The following SGCD variants were observed in gnomAD, a reference collection of about 807,000 sequenced individuals.
SGCD encodes the protein delta-sarcoglycan.
SGCD carries 18 observed loss-of-function variants against 36.6 expected under a neutral mutation model. The observed-to-expected ratio is 0.49, with a 90% CI of 0.34 to 0.73. The LOEUF (loss-of-function observed/expected upper bound fraction) is 0.73, where lower values mean the gene tolerates loss of function less well. Among genes scored for constraint, SGCD ranks in the 30% least tolerant of loss-of-function variants. The probability of loss-of-function intolerance (pLI) is 0.01; values close to 1 mark genes in which losing one functional copy is unlikely to be tolerated. For missense variants in SGCD, 387 were observed against 346.7 expected, an observed-to-expected ratio of 1.12 and a Z score of -0.92; for synonymous variants, 133 against 130.6, an observed-to-expected ratio of 1.02 and a Z score of -0.12.
At chr5:156,191,171 C>T (rs1763883545) in intron 3 of SGCD, among the ~76,000 whole-genome samples, 1 of 151,962 alleles carries the variant, frequency 6.6e-6, no homozygotes, top group Non-Finnish European at 1.5e-5. Flanking sequence ...CAGCATTACC[C>T]GGTTCCTAGT....
chr5:156,475,372 A>G lies in SGCD; in HGVS notation c.193-33229A>G, dbSNP rs546409873. 3.3e-5 allele frequency among the ~76,000 whole-genome samples: 5 copies of G among 152,268 alleles called. No homozygotes were observed. In the East Asian group the frequency reaches 9.7e-4, roughly 29 times the overall value. ...CTCTGTCATAGTGACAGTTCAGACT[A>G]TGGGTCCTTCCAAGCTGCTGGTGTT... On this transcript the variant is annotated intron_variant, in intron 3 of 8. Transcript: ENST00000337851.
the SGCD span, among the ~76,000 whole-genome samples, chr5:155,852,858 G>A: frequency 1.1e-4 from 16 of 152,098 alleles, no homozygotes; most frequent in Non-Finnish European, 2.2e-4. Context: ...TTAAGGCAGA[G>A]TTGTTCAAGT....
At chr5:156,121,416 G>A (rs1171156353) in intron 2 of SGCD, among the ~76,000 whole-genome samples, 1 of 152,024 alleles carries the variant, frequency 6.6e-6, no homozygotes, top group African/African-American at 2.4e-5. Context: ...ATCTTGGCCA[G>A]GGTTCCACAG....
chr5:155,864,302 G>C, the SGCD span, among the ~76,000 whole-genome samples: 4 of 152,126 alleles, frequency 2.6e-5, no homozygotes, highest in African/African-American at 9.7e-5. Flanking sequence ...AAGGATATTG[G>C]CTGTACTCAG....
Position 156,759,231 on chromosome 5 carries a change from T to C in SGCD, c.714T>C (p.Ala238=), listed in dbSNP as rs1554137275. The C allele has an allele frequency of 6.2e-7, 1 of 1,613,738 alleles. No individual in the cohort carries two copies. The highest frequency in any genetic ancestry group is 1.3e-5 in the African/African-American group (1 of 75,042). Residue 238 remains alanine (A), a synonymous_variant, in exon 9 of 9, where the codon GCT becomes GCC. Transcript: ENST00000337851. ...TCTGTCTTTAGATTAAGTTAGATGC[T>C]GCGAAAATCAGGCTACCTAGACTGC... ...ESKDGEIKLD[A]AKIRLPRLPH... is the part of the protein sequence containing the mutation.
intron 6 of SGCD, among the ~76,000 whole-genome samples, chr5:156,606,280 C>T (rs1299519800): frequency 6.6e-6 from 1 of 152,176 alleles, no homozygotes; most frequent in Non-Finnish European, 1.5e-5. Flanking sequence ...CCAGTTTTCC[C>T]AGCACCATTT....
intron 7 of SGCD, among the ~76,000 whole-genome samples, chr5:156,710,717 G>A (rs1392466254): frequency 6.6e-6 from 1 of 152,194 alleles, no homozygotes; most frequent in Non-Finnish European, 1.5e-5. Context: ...TCTCGGTTTA[G>A]ATAAGGGATT....
At chr5:156,043,193 C>T (rs987357166) in intron 1 of SGCD, among the ~76,000 whole-genome samples, 1 of 152,084 alleles carries the variant, frequency 6.6e-6, no homozygotes, top group South Asian at 2.1e-4. Context: ...TCTGGAAGAA[C>T]AAGTATCAAT....
intron 7 of SGCD, among the ~76,000 whole-genome samples, chr5:156,695,095 T>C (rs1299910535): frequency 6.6e-6 from 1 of 150,830 alleles, no homozygotes; most frequent in Non-Finnish European, 1.5e-5. Flanking sequence ...ATGTTCTTAA[T>C]TTCAAAGGTA....
chr5:156,610,334 A>AG (rs895111367), intron 6 of SGCD, among the ~76,000 whole-genome samples: 27 of 152,316 alleles, frequency 1.8e-4, no homozygotes, highest in African/African-American at 5.8e-4. Context: ...CCTGGGTATC[A>AG]GCAGTGGAGG....
chr5:156,000,703 G>T (rs1013969206), intron 1 of SGCD, among the ~76,000 whole-genome samples: 5 of 151,976 alleles, frequency 3.3e-5, no homozygotes, highest in Non-Finnish European at 2.9e-5. Flanking sequence ...GAACCCTAGG[G>T]TTCTGCCTTT....
At chr5:156,182,450 G>T (rs916779936) in intron 3 of SGCD, among the ~76,000 whole-genome samples, 1 of 152,110 alleles carries the variant, frequency 6.6e-6, no homozygotes, top group Non-Finnish European at 1.5e-5. Flanking sequence ...AATTATCCAG[G>T]CATGATGGCA....
chr5:156,343,760 T>G (rs1034873037), intron 2 of SGCD, among the ~76,000 whole-genome samples: 14 of 152,232 alleles, frequency 9.2e-5, no homozygotes, highest in African/African-American at 3.4e-4. Flanking sequence ...GTTCATCCTC[T>G]CATTAGCCTA....
chr5:156,427,536 CTT>C (rs1773728967), intron 3 of SGCD, among the ~76,000 whole-genome samples: 1 of 151,970 alleles, frequency 6.6e-6, no homozygotes, highest in Admixed American at 6.6e-5. Flanking sequence ...CTTTCCTTCT[CTT>C]GTCTGATTGC....
At chr5:156,183,390 A>G (rs948115845) in intron 3 of SGCD, among the ~76,000 whole-genome samples, 1 of 152,182 alleles carries the variant, frequency 6.6e-6, no homozygotes, top group East Asian at 1.9e-4. Context: ...TCATAATAAT[A>G]CAATAATAAC....
rs10529406 is a variant in SGCD at position 156,406,018 on chromosome 5, T to TAAAAAAAAAAAAAAAAAAAAA, written c.192+61357_192+61358insAAAAAAAAAAAAAAAAAAAAA. On this transcript the variant is annotated intron_variant, in intron 3 of 8. Transcript: ENST00000337851. ...TGCTGTATTTGGCCCTATCTTTGCT[T>TAAAAAAAAAAAAAAAAAAAAA]AAAAAAAAAAAAAAAAGGCCTCTGG... Among the ~76,000 whole-genome samples the TAAAAAAAAAAAAAAAAAAAAA allele has an allele frequency of 1.7e-3, 174 of 103,910 alleles. 11 individuals are homozygous for TAAAAAAAAAAAAAAAAAAAAA. The highest frequency in any genetic ancestry group is 0.013 in the East Asian group (36 of 2,796). 68.2% of individuals were successfully genotyped at this position (103,910 alleles called of 152,430 possible).
chr5:156,712,600 C>A (rs1456202081), intron 7 of SGCD, among the ~76,000 whole-genome samples: 2 of 152,172 alleles, frequency 1.3e-5, no homozygotes, highest in African/African-American at 4.8e-5. Flanking sequence ...CTCACAGAAT[C>A]CAAGGACCAA....
intron 3 of SGCD, among the ~76,000 whole-genome samples, chr5:156,213,212 G>C (rs1172970548): frequency 6.6e-6 from 1 of 151,752 alleles, no homozygotes; most frequent in Non-Finnish European, 1.5e-5. Flanking sequence ...TAAAACTAAG[G>C]GTTGTTTTTT....
intron 7 of SGCD, among the ~76,000 whole-genome samples, chr5:156,696,847 T>C (rs1448132490): frequency 6.6e-6 from 1 of 151,864 alleles, no homozygotes; most frequent in East Asian, 1.9e-4. Context: ...AGAGTTAAAA[T>C]TGAAGAATCT....
Sources: allele counts gnomAD v4.1 joint callset (sites outside exome capture counted in the v4.1 genomes callset), GRCh38; gene constraint gnomAD v4.1.1; transcripts MANE v1.5; gene names NCBI Gene and HGNC (gene_info 2026-07-23, HGNC 2026-07-21).